Variants in ADCY9 observed in about 807,000 individuals in gnomAD.
ADCY9 encodes the protein adenylate cyclase type 9.
ADCY9 carries 50 observed loss-of-function variants against 101.5 expected under a neutral mutation model. That is an observed-to-expected ratio of 0.49 (90% confidence interval 0.39 to 0.62). The LOEUF (loss-of-function observed/expected upper bound fraction) is 0.62, where lower values mean the gene tolerates loss of function less well. Ranked by LOEUF, ADCY9 falls within the 20% of genes least tolerant of loss-of-function variation. ADCY9 has a pLI of 0.00. For missense variants in ADCY9, 1,662 were observed against 1,800.4 expected, an observed-to-expected ratio of 0.92 and a Z score of 1.39; for synonymous variants, 905 against 769.3, an observed-to-expected ratio of 1.18 and a Z score of -2.92.
intron 2 of ADCY9, among the ~76,000 whole-genome samples, chr16:4,105,163 T>C (rs1040964187): frequency 6.6e-6 from 1 of 152,196 alleles, no homozygotes; most frequent in African/African-American, 2.4e-5. Flanking sequence ...TCATCAAATT[T>C]TTTCATTTTA....
intron 2 of ADCY9, among the ~76,000 whole-genome samples, chr16:4,037,882 T>A (rs895397909): frequency 2.0e-5 from 3 of 152,104 alleles, no homozygotes. Context: ...AAAGAGACAA[T>A]CCATTTAAGG....
At chr16:3,999,554 T>G (rs1441933402) in intron 3 of ADCY9, among the ~76,000 whole-genome samples, 1 of 152,186 alleles carries the variant, frequency 6.6e-6, no homozygotes, top group African/African-American at 2.4e-5. Flanking sequence ...CAGCTATGCC[T>G]GTCCTCCTGG....
chr16:3,961,032 G>T (rs2055934863), downstream of ADCY9, among the ~76,000 whole-genome samples: 2 of 152,184 alleles, frequency 1.3e-5, no homozygotes, highest in South Asian at 2.1e-4. Flanking sequence ...ATGTGAACAA[G>T]ATTTCAGATG....
chr16:4,032,190 G>C (rs564140545), intron 2 of ADCY9: 1 of 152,166 alleles, frequency 6.6e-6, no homozygotes, highest in Non-Finnish European at 1.5e-5. Context: ...TCGGGAGGCT[G>C]AGGCAATAGA....
chr16:3,989,804 G>T (rs944478856), intron 5 of ADCY9, among the ~76,000 whole-genome samples: 3 of 152,198 alleles, frequency 2.0e-5, no homozygotes, highest in Non-Finnish European at 4.4e-5. Flanking sequence ...GGATTTGGAG[G>T]CTTCAAACGA....
intron 3 of ADCY9, among the ~76,000 whole-genome samples, chr16:3,996,414 C>A (rs1363501753): frequency 6.6e-6 from 1 of 152,060 alleles, no homozygotes; most frequent in Non-Finnish European, 1.5e-5. Flanking sequence ...GAGACCACTG[C>A]TCTTATTAAA....
Position 3,965,688 on chromosome 16 carries a change from T to C in ADCY9, c.*87A>G, listed in dbSNP as rs925316861. ...TAACACCACGTCCGGGGAGGGCAAC[T>C]GTGGCGCTTGGAAAGCACAACAGCC... On this transcript the variant is annotated 3_prime_UTR_variant, in exon 11 of 11. Coordinates refer to ENST00000294016, the MANE Select transcript of ADCY9 (RefSeq NM_001116.4). 30 of 1,299,584 alleles carry C rather than the reference T, an allele frequency of 2.3e-5. No individual in the cohort carries two copies. In the African/African-American group the frequency reaches 4.3e-4, roughly 18 times the overall value. 80.5% of individuals were successfully genotyped at this position (1,299,584 alleles called of 1,614,324 possible).
intron 2 of ADCY9, among the ~76,000 whole-genome samples, chr16:4,107,834 G>A (rs944496608): frequency 2.6e-5 from 4 of 152,090 alleles, no homozygotes; most frequent in Admixed American, 6.6e-5. Flanking sequence ...AGAGGCTAAC[G>A]CATACAGAAT....
intron 3 of ADCY9, among the ~76,000 whole-genome samples, chr16:4,003,563 C>CTTTTTTTTT (rs34344577): frequency 8.0e-6 from 1 of 124,488 alleles, no homozygotes; most frequent in African/African-American, 3.0e-5. Context: ...TCTTTCTTTT[C>CTTTTTTTTT]TTTTTTTTTT....
intron 10 of ADCY9, among the ~76,000 whole-genome samples, chr16:3,974,202 C>A (rs895842026): frequency 8.5e-5 from 13 of 152,154 alleles, no homozygotes; most frequent in African/African-American, 3.1e-4. Flanking sequence ...CCACCATGCC[C>A]AGCTAATTTT....
At chr16:3,981,666 C>T (rs996175207) in intron 7 of ADCY9, 2 of 152,108 alleles carry the variant, frequency 1.3e-5, no homozygotes, top group South Asian at 4.1e-4. Flanking sequence ...GATCTCAGCT[C>T]ACTGCAATCT....
chr16:3,959,661 T>G (rs768720699), downstream of ADCY9, among the ~76,000 whole-genome samples: 7 of 152,224 alleles, frequency 4.6e-5, no homozygotes, highest in Non-Finnish European at 1.0e-4. Flanking sequence ...CTGAAACGTT[T>G]TTTAAGCAGC....
rs1389676031 is a variant in ADCY9, at chr16:4,007,350, A to G, written c.1884+18T>C. Reference sequence around the variant, plus strand: ...TAGAAAGTTTTAGAAGTAGGAAAAAAAAAACAAAAAAACTAACCTTAAGGT... The same window carrying G: ...TAGAAAGTTTTAGAAGTAGGAAAAAGAAAACAAAAAAACTAACCTTAAGGT... On this transcript the variant is annotated intron_variant, in intron 3 of 10. Transcript: ENST00000294016. 1.1e-5 allele frequency: 16 copies of G among 1,516,444 alleles called. No individual in the cohort carries two copies. The highest frequency in any genetic ancestry group is 1.4e-5 in the Non-Finnish European group (16 of 1,134,148). The allele number at this position is 1,516,444 out of a possible 1,614,324, so 93.9% of individuals were successfully genotyped here.
chr16:3,979,122 G>A lies in ADCY9; in HGVS notation c.2673C>T (p.Asn891=). 6.2e-7 allele frequency: 1 copy of A among 1,614,238 alleles called. No individual in the cohort carries two copies. Among genetic ancestry groups the A allele is most frequent in the Non-Finnish European group, 8.5e-7 (1 of 1,180,042 alleles). ...CGGCTGAGCCTTTACTTACGTGTAT[G>A]TTGGTCTCATATTCGGAGGTGACAT... ...YSHVTSEYET[N]IHFPVFTGSA... Residue 891 remains asparagine, a synonymous_variant, in exon 8 of 11, where the codon AAC becomes AAT. Transcript: ENST00000294016.
At position 4,015,142 on chromosome 16, in the gene ADCY9, C is replaced by T. The variant is rs1001758622; in HGVS notation, c.1694-7584G>A. ...ATTTTTAGTAGAGATGGGGTTTCAC[C>T]GTGTTAGCCAGGATGGTCTCGATCT... On this transcript the variant is annotated intron_variant, in intron 2 of 10. Transcript: ENST00000294016. 6.6e-5 allele frequency among the ~76,000 whole-genome samples: 10 copies of T among 151,538 alleles called. 1 individual carries two copies. Among genetic ancestry groups the T allele is most frequent in the Admixed American group, 4.6e-4 (7 of 15,198 alleles).
At position 4,052,688 on chromosome 16, in the gene ADCY9, G is replaced by A. The variant is rs75148991; in HGVS notation, c.1694-45130C>T. Among the ~76,000 whole-genome samples the A allele has an allele frequency of 4.1e-3, 631 of 152,218 alleles. 17 individuals carry two copies. In the East Asian group the frequency reaches 0.07, roughly 17 times the overall value. On this transcript the variant is annotated intron_variant, in intron 2 of 10. Transcript: ENST00000294016. ...TTTGAATCACTAGATATCAACTAGC[G>A]TGTAACTCTGTTGTTTGAAGCCACC... is the stretch of plus-strand genomic sequence containing the variant.
chr16:4,108,424 A>G (rs2057092338), intron 2 of ADCY9, among the ~76,000 whole-genome samples: 1 of 118,032 alleles, frequency 8.5e-6, no homozygotes, highest in African/African-American at 3.3e-5. Context: ...CCCAGGCTGG[A>G]GTGCAATGGC....
intron 3 of ADCY9, among the ~76,000 whole-genome samples, chr16:4,002,775 C>T (rs1392233882): frequency 2.0e-5 from 3 of 152,190 alleles, no homozygotes; most frequent in Non-Finnish European, 2.9e-5. Flanking sequence ...AGTGCAGTGG[C>T]GTGGTCTCAG....
chr16:3,988,334 C>A (rs1478845303), intron 6 of ADCY9, among the ~76,000 whole-genome samples: 1 of 151,640 alleles, frequency 6.6e-6, no homozygotes, highest in Non-Finnish European at 1.5e-5. Context: ...GGGCCCTTCT[C>A]AGGGGAAGAA....
Sources: allele counts gnomAD v4.1 joint callset (sites outside exome capture counted in the v4.1 genomes callset), GRCh38; gene constraint gnomAD v4.1.1; transcripts MANE v1.5; gene names NCBI Gene and HGNC (gene_info 2026-07-23, HGNC 2026-07-21).